NGEF: variants seen among roughly 807,000 people sequenced by gnomAD.
NGEF encodes the protein neuronal guanine nucleotide exchange factor.
NGEF carries 31 observed loss-of-function variants against 80.9 expected under a neutral mutation model. That is an observed-to-expected ratio of 0.38 (90% confidence interval 0.29 to 0.52). The LOEUF is 0.52. Ranked by LOEUF, NGEF falls within the 20% of genes least tolerant of loss-of-function variation. NGEF has a pLI of 0.84. For missense variants in NGEF, 709 were observed against 926.2 expected (o/e 0.77, Z 3.04); for synonymous variants, 371 against 370.2 (o/e 1.00, Z -0.03).
intron 5 of NGEF, among the ~76,000 whole-genome samples, chr2:232,906,398 G>A (rs1338853589): frequency 1.8e-5 from 2 of 112,988 alleles, no homozygotes; most frequent in Admixed American, 1.9e-4. Context: ...GGGAGGTGGG[G>A]GGGTCAGCCC....
chr2:232,994,275 C>T (rs188099624), intron 1 of NGEF, among the ~76,000 whole-genome samples: 5 of 150,618 alleles, frequency 3.3e-5, no homozygotes, highest in Admixed American at 2.7e-4. Flanking sequence ...GGGGCTGAGA[C>T]AGGAGAATCA....
At chr2:232,903,609 C>A (rs1047005630) in intron 5 of NGEF, among the ~76,000 whole-genome samples, 12 of 152,160 alleles carry the variant, frequency 7.9e-5, no homozygotes, top group Non-Finnish European at 1.5e-4. Context: ...ATGCTACCTG[C>A]CTACTTTGCT....
chr2:232,901,325 G>C lies in NGEF; in HGVS notation c.829-6409C>G, dbSNP rs1207954216. The C allele has an allele frequency of 9.2e-6, 9 of 974,536 alleles. No homozygotes were observed. In the Admixed American group the frequency reaches 5.5e-4, roughly 60 times the overall value. The allele number at this position is 974,536 out of a possible 1,614,324, so 60.4% of individuals were successfully genotyped here. A position where few individuals can be genotyped will look rare whatever the true frequency, so the allele number is the denominator to read the frequency against. On this transcript the variant is annotated intron_variant, in intron 5 of 14. Transcript: ENST00000264051. ...CCCTGCGTTCCCCACCCTCAGCAAA[G>C]CTCGAGGCTGCGCGATTTCTCCTCC... is the stretch of plus-strand genomic sequence containing the variant.
At chr2:233,012,726 A>G in intron 1 of NGEF, 1 of 401,558 alleles carries the variant, frequency 2.5e-6, no homozygotes, top group South Asian at 1.9e-5. Flanking sequence ...CTATTTTAAC[A>G]AGGGGCCCTG....
chr2:233,003,986 C>G (rs1017045871), intron 1 of NGEF, among the ~76,000 whole-genome samples: 1 of 152,134 alleles, frequency 6.6e-6, no homozygotes, highest in Non-Finnish European at 1.5e-5. Context: ...GTTTTCTGAC[C>G]TCCTTGCCTG....
chr2:233,004,804 G>A (rs1419222259), intron 1 of NGEF, among the ~76,000 whole-genome samples: 3 of 151,958 alleles, frequency 2.0e-5, no homozygotes, highest in Non-Finnish European at 4.4e-5. Flanking sequence ...CATCCTGCTG[G>A]GGGCCTTTCT....
At position 232,888,527 on chromosome 2, in the gene NGEF, A is replaced by G. The variant is rs530829694; in HGVS notation, c.1273-420T>C. On this transcript the variant is annotated intron_variant, in intron 8 of 14. Transcript: ENST00000264051. ...AACATGCATACAAGCATGTGTGCGCACACATACATGCATGCACATACATGC... is the reference window on the plus strand; with the variant it reads ...AACATGCATACAAGCATGTGTGCGCGCACATACATGCATGCACATACATGC... Among the ~76,000 whole-genome samples, 1,245 of 129,742 alleles carry G rather than the reference A, an allele frequency of 9.6e-3. 21 individuals carry two copies. The highest frequency in any genetic ancestry group is 0.063 in the East Asian group (253 of 4,000). The allele number at this position is 129,742 out of a possible 152,430, so 85.1% of individuals were successfully genotyped here.
intron 1 of NGEF, among the ~76,000 whole-genome samples, chr2:232,995,861 A>G (rs1047428864): frequency 2.0e-5 from 3 of 150,584 alleles, no homozygotes; most frequent in Non-Finnish European, 3.0e-5. Flanking sequence ...TTGTATGTAT[A>G]TACACATATA....
At chr2:232,934,129 C>T (rs530178602) in intron 3 of NGEF, among the ~76,000 whole-genome samples, 1 of 151,408 alleles carries the variant, frequency 6.6e-6, no homozygotes, top group Non-Finnish European at 1.5e-5. Flanking sequence ...GTAGTCACAG[C>T]TACTTGGGGG....
intron 3 of NGEF, among the ~76,000 whole-genome samples, chr2:232,947,520 C>T (rs1693584504): frequency 6.6e-6 from 1 of 152,160 alleles, no homozygotes; most frequent in South Asian, 2.1e-4. Flanking sequence ...AGTGAATTTT[C>T]ACGAGATCTG....
At chr2:232,944,572 G>A (rs764595166) in intron 3 of NGEF, among the ~76,000 whole-genome samples, 6 of 151,584 alleles carry the variant, frequency 4.0e-5, no homozygotes, top group Non-Finnish European at 5.9e-5. Context: ...TATCTGTGCT[G>A]TGTGCTACTT....
At chr2:232,966,986 A>G (rs920064208) in intron 3 of NGEF, among the ~76,000 whole-genome samples, 2 of 152,098 alleles carry the variant, frequency 1.3e-5, no homozygotes, top group African/African-American at 2.4e-5. Flanking sequence ...GCAGGAAACA[A>G]TTGTCCATGG....
chr2:232,963,286 CTCT>C (rs1693989825), intron 3 of NGEF, among the ~76,000 whole-genome samples: 1 of 151,844 alleles, frequency 6.6e-6, no homozygotes, highest in Non-Finnish European at 1.5e-5. Context: ...ACCAATGCAG[CTCT>C]TTGATGGAAC....
At chr2:232,957,042 A>G (rs1467290151) in intron 3 of NGEF, among the ~76,000 whole-genome samples, 1 of 152,108 alleles carries the variant, frequency 6.6e-6, no homozygotes, top group Non-Finnish European at 1.5e-5. Context: ...TAATTATGAT[A>G]AAGCTAAAAC....
At chr2:232,915,139 C>T (rs950708089) in intron 5 of NGEF, among the ~76,000 whole-genome samples, 3 of 152,150 alleles carry the variant, frequency 2.0e-5, no homozygotes, top group Non-Finnish European at 4.4e-5. Context: ...AACAGGAGTC[C>T]TCTGGGTGCC....
intron 6 of NGEF, 152 bp from the exon 7 acceptor site, chr2:232,893,202 C>T: frequency 4.3e-6 from 3 of 700,570 alleles, no homozygotes; most frequent in South Asian, 1.9e-5. Flanking sequence ...GGCAGGGGCA[C>T]CGAGCACTGG....
intron 3 of NGEF, among the ~76,000 whole-genome samples, chr2:232,929,071 GC>G (rs1274373852): frequency 6.6e-6 from 1 of 152,240 alleles, no homozygotes; most frequent in Non-Finnish European, 1.5e-5. Flanking sequence ...TTTTCCGGAG[GC>G]CAGCCGGCTC....
chr2:232,949,571 G>A (rs1159120539), intron 3 of NGEF, among the ~76,000 whole-genome samples: 2 of 151,194 alleles, frequency 1.3e-5, no homozygotes, highest in Admixed American at 6.6e-5. Context: ...TCCGCCTCCC[G>A]GGTTCAAGTG....
At chr2:232,889,588 A>G (rs6719766) in intron 8 of NGEF, among the ~76,000 whole-genome samples, 14,159 of 152,308 alleles carry the variant, frequency 0.093, 898 homozygotes, top group East Asian at 0.17. Flanking sequence ...AATATTTTTC[A>G]CTGCATAATT....
Sources: allele counts gnomAD v4.1 joint callset (sites outside exome capture counted in the v4.1 genomes callset), GRCh38; gene constraint gnomAD v4.1.1; transcripts MANE v1.5; gene names NCBI Gene and HGNC (gene_info 2026-07-23, HGNC 2026-07-21).